The following CACNA1I variants were observed in gnomAD, a reference collection of about 807,000 sequenced individuals.
The protein encoded by CACNA1I is calcium voltage-gated channel subunit alpha1 I.
CACNA1I carries 74 observed loss-of-function variants against 201.6 expected under a neutral mutation model. The ratio of observed to expected loss-of-function variants is 0.37; its 90% confidence interval spans 0.30 to 0.45. The LOEUF is 0.45. Ranked by LOEUF, CACNA1I falls within the 20% of genes least tolerant of loss-of-function variation. The pLI, the probability that CACNA1I is intolerant of heterozygous loss-of-function variation, is 1.00. For missense variants in CACNA1I, 2,346 were observed against 3,138.1 expected, an observed-to-expected ratio of 0.75 and a Z score of 6.03; for synonymous variants, 1,431 against 1,345.2, an observed-to-expected ratio of 1.06 and a Z score of -1.40.
At chr22:39,574,272 T>C (rs1389095367) in intron 1 of CACNA1I, among the ~76,000 whole-genome samples, 1 of 152,010 alleles carries the variant, frequency 6.6e-6, no homozygotes, top group Non-Finnish European at 1.5e-5. Flanking sequence ...TGTGATGCTG[T>C]GTGCCTACGA....
chr22:39,584,136 A>G (rs1434122572), intron 1 of CACNA1I, among the ~76,000 whole-genome samples: 1 of 152,204 alleles, frequency 6.6e-6, no homozygotes, highest in African/African-American at 2.4e-5. Flanking sequence ...ATGAGGCTAC[A>G]GGAGAAGGCT....
intron 1 of CACNA1I, among the ~76,000 whole-genome samples, chr22:39,576,166 CA>C (rs1448804927): frequency 6.6e-6 from 1 of 152,228 alleles, no homozygotes; most frequent in Admixed American, 6.5e-5. Flanking sequence ...CTCTGAGCCT[CA>C]GTTTTCTTAT....
At chr22:39,598,392 G>T (rs1472336860) in intron 2 of CACNA1I, 130 bp downstream of exon 2, 2 of 588,532 alleles carry the variant, frequency 3.4e-6, no homozygotes, top group Admixed American at 2.7e-5. Flanking sequence ...GCCCCGCTCC[G>T]TGCCCTTCCC....
Position 39,677,329 on chromosome 22 carries a change from G to A in CACNA1I, c.4855-12G>A. On this transcript the variant is annotated splice_polypyrimidine_tract_variant and intron_variant, in intron 29 of 36. Coordinates refer to ENST00000402142, the MANE Select transcript of CACNA1I (RefSeq NM_021096.4). This position sits in a 1 kb window ranked among gnomAD's most constrained non-coding sequence, Gnocchi z 4.8. ...TCCCCAGCCCCACCCGGCCTCACCT[G>A]TCCTCCCGCAGGTGGGCAACCTGGG... 1 of 1,581,548 alleles carries A rather than the reference G, an allele frequency of 6.3e-7. No homozygotes were observed.
intron 3 of CACNA1I, among the ~76,000 whole-genome samples, chr22:39,609,038 C>T (rs984887883): frequency 5.9e-5 from 9 of 152,130 alleles, no homozygotes; most frequent in African/African-American, 2.2e-4. Flanking sequence ...TCCAAAGTGC[C>T]CCATCAGTGG....
intron 4 of CACNA1I, among the ~76,000 whole-genome samples, chr22:39,627,144 G>C (rs1933921235): frequency 6.6e-6 from 1 of 152,160 alleles, no homozygotes; most frequent in South Asian, 2.1e-4. Flanking sequence ...CCCAGTGTCT[G>C]CAGGACATCA....
chr22:39,594,491 G>A (rs1784121121), intron 1 of CACNA1I, among the ~76,000 whole-genome samples: 1 of 152,208 alleles, frequency 6.6e-6, no homozygotes, highest in South Asian at 2.1e-4. Flanking sequence ...CCCTGGCAGC[G>A]ACTGAAATTA....
At chr22:39,618,332 C>T (rs1933620177) in intron 3 of CACNA1I, among the ~76,000 whole-genome samples, 1 of 136,434 alleles carries the variant, frequency 7.3e-6, no homozygotes, top group African/African-American at 2.8e-5. Context: ...TGTGATTGTG[C>T]AGGTGTGTGT....
intron 1 of CACNA1I, among the ~76,000 whole-genome samples, chr22:39,592,710 G>T (rs992990373): frequency 6.6e-6 from 1 of 152,162 alleles, no homozygotes; most frequent in African/African-American, 2.4e-5. Context: ...CTCCCCCTTG[G>T]GTCTCCAGCT....
chr22:39,668,240 T>C, intron 23 of CACNA1I, 52 bp from the exon 24 acceptor site: 1 of 1,095,834 alleles, frequency 9.1e-7, no homozygotes, highest in Non-Finnish European at 1.4e-6. Context: ...TGGCTGCAGC[T>C]GGAGTCACTC....
At position 39,655,257 on chromosome 22, in the gene CACNA1I, G is replaced by C. The variant is rs150583117; in HGVS notation, c.1993-2895G>C. Among the ~76,000 whole-genome samples, 29 of 86,862 alleles carry C rather than the reference G, an allele frequency of 3.3e-4. No individual in the cohort carries two copies. In the East Asian group the frequency reaches 0.16, roughly 487 times the overall value. 57.0% of individuals were successfully genotyped at this position (86,862 alleles called of 152,430 possible). A position where few individuals can be genotyped will look rare whatever the true frequency, so the allele number is the denominator to read the frequency against. ...TGATGGGGATGGTGCTGGGCTGGAG[G>C]GCTTCCCGGGGGGCAGCTGACCTCT... On this transcript the variant is annotated intron_variant, in intron 10 of 36. Transcript: ENST00000402142.
In CACNA1I at chr22:39,666,012, C is replaced by T. The variant is rs753038980; in HGVS notation, c.4104+6C>T. ...ACTTCGACAACCTGGGCCAGGTGAGCACCACCGTCCTAGCCCTGATCAGAC... is the reference window on the plus strand; with the variant it reads ...ACTTCGACAACCTGGGCCAGGTGAGTACCACCGTCCTAGCCCTGATCAGAC... On this transcript the variant is annotated splice_donor_region_variant and intron_variant, in intron 23 of 36. Transcript: ENST00000402142. The surrounding 1 kb of genome is among the most constrained non-coding windows in gnomAD (Gnocchi z 4.1). The T allele has an allele frequency of 4.3e-6, 7 of 1,612,926 alleles. No homozygotes were observed. The highest frequency in any genetic ancestry group is 1.1e-5 in the South Asian group (1 of 91,024).
Position 39,677,779 on chromosome 22 carries a change from G to T in CACNA1I, c.4934-208G>T. Among the ~76,000 whole-genome samples the T allele has an allele frequency of 6.6e-6, 1 of 152,174 alleles. No homozygotes were observed. Among genetic ancestry groups the T allele is most frequent in the East Asian group, 1.9e-4 (1 of 5,192 alleles). On this transcript the variant is annotated intron_variant, in intron 30 of 36. Coordinates refer to ENST00000402142, the MANE Select transcript of CACNA1I (RefSeq NM_021096.4). The surrounding 1 kb of genome is among the most constrained non-coding windows in gnomAD (Gnocchi z 4.8). ...CTCTTTCTCAGAAACCCATTCTTCG[G>T]CGGGGAGCAGAGCCAGACTCACCCA...
At chr22:39,608,046 C>T (rs1298378630) in intron 3 of CACNA1I, among the ~76,000 whole-genome samples, 3 of 140,488 alleles carry the variant, frequency 2.1e-5, no homozygotes, top group African/African-American at 8.1e-5. Context: ...ACCCAGGAGG[C>T]GGAGGTTGCC....
intron 1 of CACNA1I, among the ~76,000 whole-genome samples, chr22:39,593,076 G>C (rs3788562): frequency 0.057 from 8,627 of 152,316 alleles, 277 homozygotes; most frequent in Non-Finnish European, 0.062. Context: ...ACCATCCATT[G>C]CTGAATTTCT....
At chr22:39,610,882 G>A (rs973313389) in intron 3 of CACNA1I, among the ~76,000 whole-genome samples, 1 of 152,142 alleles carries the variant, frequency 6.6e-6, no homozygotes, top group Non-Finnish European at 1.5e-5. Context: ...TCAGTCCTGG[G>A]AACTGAGCCT....
intron 4 of CACNA1I, among the ~76,000 whole-genome samples, chr22:39,630,093 A>G (rs543969723): frequency 3.5e-4 from 53 of 152,020 alleles, no homozygotes; most frequent in African/African-American, 1.2e-3. Context: ...GCCTTTGTCC[A>G]GGCTGCCTCC....
chr22:39,630,290 G>A (rs972351714), intron 4 of CACNA1I, among the ~76,000 whole-genome samples: 2 of 152,320 alleles, frequency 1.3e-5, no homozygotes, highest in African/African-American at 2.4e-5. Context: ...CCCAACGAAC[G>A]AGGACGTGAC....
chr22:39,638,877 C>CT, intron 5 of CACNA1I, among the ~76,000 whole-genome samples: 1 of 152,164 alleles, frequency 6.6e-6, no homozygotes, highest in South Asian at 2.1e-4. Flanking sequence ...AGTGCACAAC[C>CT]TAGATCTCTT....
Sources: allele counts gnomAD v4.1 joint callset (sites outside exome capture counted in the v4.1 genomes callset), GRCh38; gene constraint gnomAD v4.1.1; non-coding constraint Gnocchi (gnomAD v3.1); transcripts MANE v1.5; gene names NCBI Gene and HGNC (gene_info 2026-07-23, HGNC 2026-07-21).